The following NHEJ1 variants were observed in gnomAD, a reference collection of about 807,000 sequenced individuals.
NHEJ1 encodes non-homologous end-joining factor 1.
A neutral mutation model predicts 39.4 loss-of-function variants in NHEJ1; 22 were observed. The ratio of observed to expected loss-of-function variants is 0.56; its 90% confidence interval spans 0.40 to 0.80. The LOEUF is 0.80. Ranked by LOEUF, NHEJ1 falls within the 30% of genes least tolerant of loss-of-function variation. NHEJ1 has a pLI of 0.00. For synonymous variants in NHEJ1, 154 were observed against 135.6 expected (o/e 1.14, Z -0.94); for missense variants, 329 against 357.1 (o/e 0.92, Z 0.63).
chr2:219,093,995 G>GT (rs1416670872), intron 5 of NHEJ1, among the ~76,000 whole-genome samples: 1 of 152,198 alleles, frequency 6.6e-6, no homozygotes, highest in African/African-American at 2.4e-5. Context: ...AGAAAAATTA[G>GT]TAAGTTCTGG....
At chr2:219,115,391 A>C (rs760919665) in intron 5 of NHEJ1, among the ~76,000 whole-genome samples, 3 of 152,214 alleles carry the variant, frequency 2.0e-5, no homozygotes, top group Admixed American at 6.5e-5. Context: ...ATCCACTTGA[A>C]AGCTATGATG....
intron 5 of NHEJ1, chr2:219,102,335 G>A (rs1949269313): frequency 6.6e-6 from 1 of 152,168 alleles, no homozygotes; most frequent in Non-Finnish European, 1.5e-5. Flanking sequence ...CCAACTAATA[G>A]GAGAAGATCA....
intron 5 of NHEJ1, among the ~76,000 whole-genome samples, chr2:219,145,098 C>T (rs1028002212): frequency 6.6e-6 from 1 of 151,960 alleles, no homozygotes; most frequent in African/African-American, 2.4e-5. Context: ...ACCTGTAATC[C>T]CAGCTACTTG....
At chr2:219,088,957 C>T (rs180925812) in intron 5 of NHEJ1, among the ~76,000 whole-genome samples, 132 of 152,188 alleles carry the variant, frequency 8.7e-4, no homozygotes, top group African/African-American at 3.0e-3. Flanking sequence ...GGACTACAGG[C>T]GCCCACCACC....
At chr2:219,157,989 TCTCACACACACACACACACA>T (rs1398263684) in intron 2 of NHEJ1, among the ~76,000 whole-genome samples, 177 bp downstream of exon 2, 15 of 119,152 alleles carry the variant, frequency 1.3e-4, no homozygotes, top group East Asian at 5.2e-4. Flanking sequence ...TCTCTCTCTC[TCTCACACACACACACACACA>T]CACACACACA....
Position 219,111,874 on chromosome 2 carries a change from T to C in NHEJ1, c.589-33668A>G, listed in dbSNP as rs1287349456. On this transcript the variant is annotated intron_variant, in intron 5 of 7. Transcript: ENST00000356853. The surrounding 1 kb of genome is among the most constrained non-coding windows in gnomAD (Gnocchi z 4.1). ...TGCCCCACGCGCTTGGCCAGCATCA[T>C]GGCAGGATGGGGCGAGGCCATGCTT... Among the ~76,000 whole-genome samples the C allele has an allele frequency of 6.6e-6, 1 of 152,126 alleles. No homozygotes were observed. The highest frequency in any genetic ancestry group is 1.5e-5 in the Non-Finnish European group (1 of 68,020).
chr2:219,155,930 AAC>A (rs1949850196), intron 3 of NHEJ1, among the ~76,000 whole-genome samples: 1 of 148,666 alleles, frequency 6.7e-6, no homozygotes, highest in African/African-American at 2.5e-5. Flanking sequence ...CTCAAAAAAA[AAC>A]AAAAAAAAAT....
chr2:219,115,029 G>T (rs1313564247), intron 5 of NHEJ1, among the ~76,000 whole-genome samples: 1 of 152,062 alleles, frequency 6.6e-6, no homozygotes, highest in Non-Finnish European at 1.5e-5. Context: ...CAGGCATTGG[G>T]GGCCTCCGAC....
chr2:219,080,428 GGCA>G (rs1949051500), intron 5 of NHEJ1, among the ~76,000 whole-genome samples: 1 of 151,852 alleles, frequency 6.6e-6, no homozygotes, highest in Admixed American at 6.6e-5. Flanking sequence ...GGGAGGCTGA[GGCA>G]GCAGAACGGC....
Position 219,111,226 on chromosome 2 carries a change from C to A in NHEJ1, c.589-33020G>T, listed in dbSNP as rs1949362634. Among the ~76,000 whole-genome samples, 1 of 152,156 alleles carries A rather than the reference C, an allele frequency of 6.6e-6. No homozygotes were observed. On this transcript the variant is annotated intron_variant, in intron 5 of 7. Transcript: ENST00000356853. This position sits in a 1 kb window ranked among gnomAD's most constrained non-coding sequence, Gnocchi z 4.1. The stretch of plus-strand genomic sequence containing the variant: ...CTATTATTCATAAAAGCATAGACTA[C>A]TAAAAGGTGGAAGCCAGATTTATCT...
At chr2:219,143,684 A>G (rs1949710831) in intron 5 of NHEJ1, among the ~76,000 whole-genome samples, 1 of 152,168 alleles carries the variant, frequency 6.6e-6, no homozygotes, top group Admixed American at 6.5e-5. Context: ...ATCCACCCAG[A>G]ACCTACAGGA....
At chr2:219,126,461 G>A (rs756595278) in intron 5 of NHEJ1, among the ~76,000 whole-genome samples, 5 of 152,156 alleles carry the variant, frequency 3.3e-5, no homozygotes, top group Non-Finnish European at 7.3e-5. Context: ...ATCTGAGTAG[G>A]TGATCAATAT....
intron 5 of NHEJ1, among the ~76,000 whole-genome samples, chr2:219,115,609 C>G (rs111879376): frequency 8.5e-4 from 130 of 152,262 alleles, no homozygotes; most frequent in African/African-American, 3.0e-3. Flanking sequence ...CCTAAAGAGG[C>G]TTATAAACAC....
intron 5 of NHEJ1, among the ~76,000 whole-genome samples, chr2:219,137,061 CTCT>C (rs1159248584): frequency 6.9e-6 from 1 of 144,716 alleles, no homozygotes; most frequent in Admixed American, 6.9e-5. Flanking sequence ...GTCTTTTTAG[CTCT>C]TCTTGAGAAA....
intron 5 of NHEJ1, among the ~76,000 whole-genome samples, chr2:219,080,551 ATAT>A (rs1559185825): frequency 1.8e-5 from 2 of 111,774 alleles, no homozygotes; most frequent in Non-Finnish European, 3.4e-5. Context: ...ATAAATAAAA[ATAT>A]ATATATATAT....
intron 5 of NHEJ1, among the ~76,000 whole-genome samples, chr2:219,114,552 G>T (rs571705809): frequency 6.6e-6 from 1 of 152,236 alleles, no homozygotes; most frequent in African/African-American, 2.4e-5. Context: ...GCTTACACAG[G>T]CCTAAGAAAT....
chr2:219,107,851 C>T (rs1949328083), intron 5 of NHEJ1, among the ~76,000 whole-genome samples: 1 of 152,174 alleles, frequency 6.6e-6, no homozygotes, highest in East Asian at 1.9e-4. Context: ...ACTCCACATA[C>T]GAACTTCTTG....
At chr2:219,084,973 C>T (rs1044016491) in intron 5 of NHEJ1, among the ~76,000 whole-genome samples, 9 of 152,216 alleles carry the variant, frequency 5.9e-5, no homozygotes, top group Admixed American at 3.3e-4. Context: ...TCCTGCAATG[C>T]TTGAACCAAG....
chr2:219,154,820 A>G (rs1247923164), intron 3 of NHEJ1, among the ~76,000 whole-genome samples: 1 of 149,998 alleles, frequency 6.7e-6, no homozygotes. Context: ...AAATTTGCCT[A>G]GAATAGCTAG....
Sources: gnomAD v4.1 joint callset for allele counts (sites outside exome capture counted in the v4.1 genomes callset) on GRCh38, gnomAD v4.1.1 for gene constraint, Gnocchi (gnomAD v3.1) non-coding constraint, MANE v1.5 for transcripts, NCBI Gene and HGNC (gene_info 2026-07-23, HGNC 2026-07-21) for gene names.